Variants in LEMD3 observed in about 807,000 individuals in gnomAD.
The protein encoded by LEMD3 is inner nuclear membrane protein Man1.
Under a neutral mutation model 95.2 loss-of-function variants are expected in LEMD3, and 33 were observed. That is an observed-to-expected ratio of 0.35 (90% CI 0.26 to 0.46). The LOEUF is 0.46. Ranked by LOEUF, LEMD3 falls within the 20% of genes least tolerant of loss-of-function variation. The pLI is 1.00. For synonymous variants in LEMD3, 525 were observed against 474.6 expected, an observed-to-expected ratio of 1.11 and a Z score of -1.38; for missense variants, 1,210 against 1,192.8, an observed-to-expected ratio of 1.01 and a Z score of -0.21.
rs1592462044 is a variant in LEMD3 at position 65,238,377 on chromosome 12, T to C, written c.1696-125T>C. ...TTTTCTCATTCTTTTTAAAATTTTC[T>C]GTAATGAATATTTTATGTTATGTAG... On this transcript the variant is annotated intron_variant, in intron 4 of 12. Transcript: ENST00000308330. 4.6e-6 allele frequency: 3 copies of C among 658,882 alleles called. No individual in the cohort carries two copies. The Admixed American group carries it at 8.7e-5, about 19-fold the overall frequency. 40.8% of individuals were successfully genotyped at this position (658,882 alleles called of 1,614,324 possible). A position where few individuals can be genotyped will look rare whatever the true frequency, so the allele number is the denominator to read the frequency against.
At chr12:65,221,018 A>G (rs977067756) in intron 4 of LEMD3, among the ~76,000 whole-genome samples, 17 of 152,132 alleles carry the variant, frequency 1.1e-4, no homozygotes, top group African/African-American at 2.9e-4. Context: ...GTGGTTCCAT[A>G]TGGATATTAG....
chr12:65,209,881 A>G (rs1236256093), intron 1 of LEMD3, among the ~76,000 whole-genome samples: 1 of 152,130 alleles, frequency 6.6e-6, no homozygotes, highest in East Asian at 1.9e-4. Context: ...CATCTCAGAA[A>G]GGAAACCTGG....
intron 4 of LEMD3, among the ~76,000 whole-genome samples, chr12:65,235,783 A>AT (rs1016440691): frequency 2.0e-5 from 3 of 152,098 alleles, no homozygotes; most frequent in African/African-American, 7.2e-5. Context: ...TTGTAGTTTT[A>AT]TTTTTTTAAG....
chr12:65,187,767 A>G (rs961965843), intron 1 of LEMD3, among the ~76,000 whole-genome samples: 8 of 152,116 alleles, frequency 5.3e-5, no homozygotes, highest in African/African-American at 1.9e-4. Context: ...CATAAATTTT[A>G]TTAAATTCTC....
chr12:65,201,252 T>C (rs945391294), intron 1 of LEMD3, among the ~76,000 whole-genome samples: 5 of 152,158 alleles, frequency 3.3e-5, no homozygotes, highest in African/African-American at 4.8e-5. Flanking sequence ...CCTTTGTTCT[T>C]CAATATTGTG....
At chr12:65,202,077 T>C (rs1391558344) in intron 1 of LEMD3, among the ~76,000 whole-genome samples, 1 of 150,906 alleles carries the variant, frequency 6.6e-6, no homozygotes, top group Non-Finnish European at 1.5e-5. Flanking sequence ...AATGGTGCAA[T>C]CTCGGCTCAC....
At chr12:65,193,845 C>T (rs914039132) in intron 1 of LEMD3, among the ~76,000 whole-genome samples, 5 of 151,644 alleles carry the variant, frequency 3.3e-5, no homozygotes, top group African/African-American at 1.2e-4. Context: ...CACTTGGAAA[C>T]TGGACGTTGC....
chr12:65,206,660 C>T (rs1395733439), intron 1 of LEMD3, among the ~76,000 whole-genome samples: 1 of 151,978 alleles, frequency 6.6e-6, no homozygotes, highest in African/African-American at 2.4e-5. Flanking sequence ...ATAATCATGT[C>T]CATGGAAATC....
At chr12:65,176,366 T>C (rs1323130860) in intron 1 of LEMD3, among the ~76,000 whole-genome samples, 2 of 152,270 alleles carry the variant, frequency 1.3e-5, no homozygotes, top group Non-Finnish European at 2.9e-5. Context: ...TGTGCTTTTC[T>C]ACCTTTGCAC....
chr12:65,226,207 G>T (rs1390689118), intron 4 of LEMD3, among the ~76,000 whole-genome samples: 1 of 152,164 alleles, frequency 6.6e-6, no homozygotes, highest in Non-Finnish European at 1.5e-5. Context: ...CAGATCATTA[G>T]ATGTATGTTC....
intron 1 of LEMD3, 82 bp from the exon 2 acceptor site, chr12:65,210,844 T>C: frequency 9.7e-7 from 1 of 1,029,008 alleles, no homozygotes; most frequent in Non-Finnish European, 1.5e-6. Flanking sequence ...GCAAAGTACA[T>C]GCTGGCATTT....
rs752543800 is a variant in LEMD3, at chr12:65,246,317, A to G, written c.2728A>G (p.Ser910Gly). The G allele has an allele frequency of 9.3e-6, 15 of 1,612,156 alleles. No homozygotes were observed. The East Asian group carries it at 3.3e-4, about 36-fold the overall frequency. Reference protein sequence around the residue: ...LRTGLTNSQGSS With the variant: ...LRTGLTNSQGGS ...GACTGGCCTAACCAATTCTCAAGGA[A>G]GTTCCTGAAAAGATTTTCTTCCATT... Residue 910 changes from serine to glycine, a missense_variant, in exon 13 of 13, where the codon AGT becomes GGT. Ser to Gly is a moderately conservative substitution (Grantham distance 56). Coordinates refer to ENST00000308330, the MANE Select transcript of LEMD3 (RefSeq NM_014319.5).
chr12:65,232,613 C>G (rs1179685572), intron 4 of LEMD3, among the ~76,000 whole-genome samples: 4 of 152,068 alleles, frequency 2.6e-5, no homozygotes, highest in African/African-American at 9.7e-5. Context: ...TCTAACTACT[C>G]CAGTGCTCTT....
intron 1 of LEMD3, among the ~76,000 whole-genome samples, chr12:65,207,573 G>A (rs551930106): frequency 6.6e-6 from 1 of 152,234 alleles, no homozygotes; most frequent in South Asian, 2.1e-4. Context: ...GAAAGAGCAA[G>A]TGCTCAGTCT....
intron 1 of LEMD3, among the ~76,000 whole-genome samples, chr12:65,190,517 T>G (rs1461110925): frequency 3.3e-5 from 5 of 152,164 alleles, no homozygotes. Context: ...ATCATAACTC[T>G]TTCAACCAAT....
At chr12:65,171,239 C>T (rs1036872021) in intron 1 of LEMD3, 121 bp downstream of exon 1, 28 of 1,519,666 alleles carry the variant, frequency 1.8e-5, no homozygotes, top group Non-Finnish European at 2.4e-5. Context: ...ACAGCAAAAA[C>T]GCAACAGTGC....
chr12:65,191,362 A>G (rs1168126544), intron 1 of LEMD3, among the ~76,000 whole-genome samples: 1 of 152,128 alleles, frequency 6.6e-6, no homozygotes, highest in Non-Finnish European at 1.5e-5. Flanking sequence ...TCAGTATTTT[A>G]ACATAAAAAT....
At position 65,246,666 on chromosome 12, in the gene LEMD3, C is replaced by CTTCTTGTAGTCCCATAAT; in HGVS notation, c.*349_*366dup. 3.5e-6 allele frequency: 1 copy of CTTCTTGTAGTCCCATAAT among 283,788 alleles called. No individual in the cohort carries two copies. Among genetic ancestry groups the CTTCTTGTAGTCCCATAAT allele is most frequent in the Non-Finnish European group, 6.7e-6 (1 of 148,224 alleles). 17.6% of individuals were successfully genotyped at this position (283,788 alleles called of 1,614,324 possible). On this transcript the variant is annotated 3_prime_UTR_variant, in exon 13 of 13. Coordinates refer to ENST00000308330, the MANE Select transcript of LEMD3 (RefSeq NM_014319.5). ...ACCACACAAAAGCATGATGAAAAGG[C>CTTCTTGTAGTCCCATAAT]TTCTTGTAGTCCCATAATTTCTTGT...
chr12:65,195,667 G>C (rs115768196), intron 1 of LEMD3, among the ~76,000 whole-genome samples: 2 of 152,116 alleles, frequency 1.3e-5, no homozygotes, highest in Non-Finnish European at 2.9e-5. Context: ...AAGGAAAGAC[G>C]AGTGTAGGTA....
Sources: allele counts gnomAD v4.1 joint callset (sites outside exome capture counted in the v4.1 genomes callset), GRCh38; gene constraint gnomAD v4.1.1; transcripts MANE v1.5; gene names NCBI Gene and HGNC (gene_info 2026-07-23, HGNC 2026-07-21).